The following PCDH15 variants were observed in gnomAD, a reference collection of about 807,000 sequenced individuals.
The protein encoded by PCDH15 is protocadherin related 15.
In PCDH15, 129 loss-of-function variants were observed where a neutral mutation model predicts 178.5. The observed-to-expected ratio is 0.72, with a 90% CI of 0.63 to 0.84. The LOEUF (loss-of-function observed/expected upper bound fraction) is 0.84, where lower values mean the gene tolerates loss of function less well. Among genes scored for constraint, PCDH15 ranks in the 40% least tolerant of loss-of-function variants. The pLI is 0.00. For missense variants in PCDH15, 2,230 were observed against 2,099.9 expected, an observed-to-expected ratio of 1.06 and a Z score of -1.21; for synonymous variants, 800 against 732.0, an observed-to-expected ratio of 1.09 and a Z score of -1.50.
At chr10:54,299,120 G>T (rs894745768) in intron 8 of PCDH15, among the ~76,000 whole-genome samples, 3 of 151,886 alleles carry the variant, frequency 2.0e-5, no homozygotes, top group Non-Finnish European at 4.4e-5. Context: ...TGCTGACAGA[G>T]GCAGGGAAAG....
chr10:53,849,076 A>G (rs961153537), intron 28 of PCDH15, among the ~76,000 whole-genome samples: 2 of 152,066 alleles, frequency 1.3e-5, no homozygotes, highest in African/African-American at 4.8e-5. Context: ...ATGTTCATTT[A>G]TTTGTTTGTT....
At chr10:54,832,384 A>T (rs1037201310) in intron 3 of PCDH15, among the ~76,000 whole-genome samples, 26 of 152,226 alleles carry the variant, frequency 1.7e-4, no homozygotes, top group Non-Finnish European at 3.1e-4. Flanking sequence ...TACCAATTTA[A>T]TTAGATATAT....
intron 8 of PCDH15, among the ~76,000 whole-genome samples, chr10:54,250,934 G>A (rs1207945001): frequency 2.0e-5 from 3 of 152,088 alleles, no homozygotes. Context: ...CATTACACAT[G>A]TACTTTAATT....
chr10:54,227,196 G>T (rs1162280394), intron 9 of PCDH15, among the ~76,000 whole-genome samples: 1 of 152,206 alleles, frequency 6.6e-6, no homozygotes. Context: ...CACTAGTGGA[G>T]GTTCTTCATG....
Position 55,260,693 on chromosome 10 carries a change from T to C in PCDH15, c.-156+58906A>G, listed in dbSNP as rs569674613. On this transcript the variant is annotated intron_variant, in intron 1 of 5. Transcript: ENST00000458638. ...TAGGTAATATTACAGGATGTTAAAG[T>C]CATTTAAATACAAATAACGTATGCC... Among the ~76,000 whole-genome samples the C allele has an allele frequency of 2.0e-5, 3 of 152,310 alleles. No homozygotes were observed. In the South Asian group the frequency reaches 6.2e-4, roughly 32 times the overall value.
chr10:53,933,032 C>A (rs962263538), intron 25 of PCDH15, among the ~76,000 whole-genome samples: 2 of 152,154 alleles, frequency 1.3e-5, no homozygotes, highest in Non-Finnish European at 2.9e-5. Context: ...TTGACTTCCA[C>A]CACGATTATA....
intron 2 of PCDH15, among the ~76,000 whole-genome samples, chr10:54,614,695 G>C (rs2093073663): frequency 6.6e-6 from 1 of 151,894 alleles, no homozygotes; most frequent in South Asian, 2.1e-4. Context: ...TCTTCTTGTA[G>C]TTTTGTTACT....
At chr10:54,396,037 C>T (rs1951174502) in intron 3 of PCDH15, among the ~76,000 whole-genome samples, 2 of 152,082 alleles carry the variant, frequency 1.3e-5, no homozygotes, top group South Asian at 4.1e-4. Context: ...TGAAGAAAAG[C>T]TCTCTGCCTC....
rs190221072 is a variant in PCDH15 at position 55,168,811 on chromosome 10, G to A, written c.-155-2160C>T. Reference sequence around the variant, plus strand: ...GAATTAATTTCATGTGATTGTGCACGCATTTTATCAATATAGTTCCAAAGA... The same window carrying A: ...GAATTAATTTCATGTGATTGTGCACACATTTTATCAATATAGTTCCAAAGA... On this transcript the variant is annotated intron_variant, in intron 1 of 5. Coordinates refer to the PCDH15 transcript ENST00000458638. Among the ~76,000 whole-genome samples the A allele has an allele frequency of 1.0e-3, 153 of 152,210 alleles. 1 individual carries two copies. The highest frequency in any genetic ancestry group is 3.2e-3 in the African/African-American group (134 of 41,548).
At chr10:54,940,051 T>C (rs1367106180) in intron 2 of PCDH15, among the ~76,000 whole-genome samples, 1 of 152,212 alleles carries the variant, frequency 6.6e-6, no homozygotes, top group Non-Finnish European at 1.5e-5. Context: ...TCTATAATCA[T>C]TATTTCCTAC....
At chr10:53,878,254 C>T (rs4274136) in intron 26 of PCDH15, among the ~76,000 whole-genome samples, 100,553 of 135,802 alleles carry the variant, frequency 0.74, 37,377 homozygotes, top group East Asian at 0.87. Context: ...TCTACATATA[C>T]ATACAGTAAA....
chr10:54,683,649 GTTAGGTAGCCCTCTCAAAGTCAAACA>G (rs1250233866), intron 1 of PCDH15, among the ~76,000 whole-genome samples: 1 of 152,036 alleles, frequency 6.6e-6, no homozygotes, highest in African/African-American at 2.4e-5. Flanking sequence ...AGCATGAGAG[GTTAGGTAGCCCTCTCAAAGTCAAACA>G]TTAGAGGCAA....
At chr10:55,365,038 T>C (rs1312750347) in intron 2 of PCDH15, among the ~76,000 whole-genome samples, 1 of 152,190 alleles carries the variant, frequency 6.6e-6, no homozygotes, top group African/African-American at 2.4e-5. Context: ...CATGTCTTCT[T>C]GGAGCATAAT....
At chr10:54,841,161 T>C (rs1333336312) in intron 3 of PCDH15, among the ~76,000 whole-genome samples, 1 of 151,834 alleles carries the variant, frequency 6.6e-6, no homozygotes, top group Admixed American at 6.6e-5. Flanking sequence ...GTATACCATA[T>C]ATTGGACCAT....
chr10:54,189,918 CATGTGTATGTGTGTGT>C (rs1256056869), intron 11 of PCDH15, among the ~76,000 whole-genome samples: 4 of 82,024 alleles, frequency 4.9e-5, no homozygotes, highest in African/African-American at 2.4e-4. Context: ...TGTATACATG[CATGTGTATGTGTGTGT>C]GTGTGTGTGT....
At chr10:53,918,525 A>C (rs143465820) in intron 25 of PCDH15, among the ~76,000 whole-genome samples, 185 of 152,344 alleles carry the variant, frequency 1.2e-3, no homozygotes, top group African/African-American at 4.0e-3. Flanking sequence ...TCTATTTCAA[A>C]AGACAGACAA....
chr10:55,129,436 C>T (rs956987074), intron 2 of PCDH15, among the ~76,000 whole-genome samples: 1 of 152,122 alleles, frequency 6.6e-6, no homozygotes, highest in South Asian at 2.1e-4. Context: ...AGTTCTTCCT[C>T]TCAAACTCTT....
chr10:54,595,875 A>C (rs1468445882), intron 2 of PCDH15, among the ~76,000 whole-genome samples: 2 of 152,194 alleles, frequency 1.3e-5, no homozygotes, highest in Non-Finnish European at 2.9e-5. Context: ...TCAGAGCTCA[A>C]AGACTGTTTT....
At chr10:54,582,045 T>C (rs748645093) in intron 2 of PCDH15, among the ~76,000 whole-genome samples, 1 of 152,078 alleles carries the variant, frequency 6.6e-6, no homozygotes, top group Admixed American at 6.6e-5. Context: ...TCAAAATCAA[T>C]TGCAACAAAA....
Sources: gnomAD v4.1 joint callset for allele counts (sites outside exome capture counted in the v4.1 genomes callset) on GRCh38, gnomAD v4.1.1 for gene constraint, MANE v1.5 for transcripts, NCBI Gene and HGNC (gene_info 2026-07-23, HGNC 2026-07-21) for gene names.